ERBB4: variants seen among roughly 807,000 people sequenced by gnomAD.
ERBB4 encodes receptor tyrosine-protein kinase erbB-4.
ERBB4 carries 42 observed loss-of-function variants against 158.0 expected under a neutral mutation model. The observed-to-expected ratio is 0.27, with a 90% confidence interval of 0.21 to 0.34. ERBB4 has a LOEUF of 0.34. Ranked by LOEUF, ERBB4 falls within the 10% of genes least tolerant of loss-of-function variation. ERBB4 has a pLI of 1.00. For synonymous variants in ERBB4, 583 were observed against 558.7 expected (o/e 1.04, Z -0.61); for missense variants, 1,333 against 1,624.1 (o/e 0.82, Z 3.08).
chr2:212,427,185 G>T (rs1302179779), intron 1 of ERBB4, among the ~76,000 whole-genome samples: 1 of 152,124 alleles, frequency 6.6e-6, no homozygotes, highest in Non-Finnish European at 1.5e-5. Context: ...ACAAGTCAGA[G>T]CAGTAAATCA....
intron 2 of ERBB4, among the ~76,000 whole-genome samples, chr2:212,000,904 A>G (rs2076088074): frequency 6.6e-6 from 1 of 151,944 alleles, no homozygotes; most frequent in Non-Finnish European, 1.5e-5. Context: ...GAAAAAAAAT[A>G]AATTATATCC....
chr2:211,416,909 C>T (rs1559146239), intron 25 of ERBB4, among the ~76,000 whole-genome samples: 1 of 151,336 alleles, frequency 6.6e-6, no homozygotes, highest in East Asian at 2.0e-4. Flanking sequence ...GACTTTCTTG[C>T]TATAGCAGTC....
intron 3 of ERBB4, among the ~76,000 whole-genome samples, chr2:211,895,069 A>G (rs562670622): frequency 2.0e-5 from 3 of 152,306 alleles, no homozygotes; most frequent in African/African-American, 7.2e-5. Context: ...CATTAACCCT[A>G]GTTCCCTTTT....
chr2:212,328,354 C>A, intron 1 of ERBB4, among the ~76,000 whole-genome samples: 1 of 152,014 alleles, frequency 6.6e-6, no homozygotes, highest in East Asian at 1.9e-4. Flanking sequence ...GTTGCATCAT[C>A]TTTTATTACC....
chr2:211,918,805 A>T (rs2079775002), intron 3 of ERBB4, among the ~76,000 whole-genome samples: 1 of 152,150 alleles, frequency 6.6e-6, no homozygotes, highest in Non-Finnish European at 1.5e-5. Flanking sequence ...AATGGTGGAG[A>T]ATATTTTTGC....
intron 23 of ERBB4, among the ~76,000 whole-genome samples, chr2:211,423,829 T>C (rs1021805674): frequency 1.3e-5 from 2 of 151,770 alleles, no homozygotes; most frequent in Non-Finnish European, 2.9e-5. Flanking sequence ...TATTTTCCCA[T>C]AAAGGTCACT....
At chr2:211,512,125 T>C (rs1221941109) in intron 20 of ERBB4, among the ~76,000 whole-genome samples, 1 of 152,130 alleles carries the variant, frequency 6.6e-6, no homozygotes, top group African/African-American at 2.4e-5. Flanking sequence ...TGGGAAAAAC[T>C]GGCAACATTC....
intron 16 of ERBB4, among the ~76,000 whole-genome samples, chr2:211,636,846 A>G (rs1176979730): frequency 6.6e-6 from 1 of 152,032 alleles, no homozygotes; most frequent in Non-Finnish European, 1.5e-5. Context: ...ATTATTTCCC[A>G]TCAAAAATAA....
At chr2:212,197,728 G>A (rs1209688281) in intron 1 of ERBB4, among the ~76,000 whole-genome samples, 1 of 152,104 alleles carries the variant, frequency 6.6e-6, no homozygotes, top group Non-Finnish European at 1.5e-5. Context: ...GGAAATTTAT[G>A]TTTGCTGAAA....
chr2:211,961,649 T>C (rs1204131819), intron 2 of ERBB4, among the ~76,000 whole-genome samples: 2 of 152,182 alleles, frequency 1.3e-5, no homozygotes, highest in African/African-American at 2.4e-5. Flanking sequence ...ACCTATGGTT[T>C]CATCAAAGAG....
intron 1 of ERBB4, among the ~76,000 whole-genome samples, chr2:212,282,651 A>G (rs2085802143): frequency 6.6e-6 from 1 of 151,870 alleles, no homozygotes; most frequent in Non-Finnish European, 1.5e-5. Context: ...AGCTTGGCTA[A>G]CCTCCATAAT....
intron 1 of ERBB4, among the ~76,000 whole-genome samples, chr2:212,323,291 A>T (rs545284213): frequency 6.6e-6 from 1 of 150,754 alleles, no homozygotes; most frequent in African/African-American, 2.4e-5. Flanking sequence ...ATTAGCCATC[A>T]TCCTATCTAA....
At chr2:211,459,986 C>A (rs1332639936) in intron 20 of ERBB4, among the ~76,000 whole-genome samples, 1 of 151,940 alleles carries the variant, frequency 6.6e-6, no homozygotes, top group Non-Finnish European at 1.5e-5. Flanking sequence ...TTAATTAGGG[C>A]CATAGTGAGA....
At chr2:211,948,448 A>C (rs1173844148) in intron 2 of ERBB4, among the ~76,000 whole-genome samples, 2 of 151,024 alleles carry the variant, frequency 1.3e-5, no homozygotes, top group African/African-American at 4.9e-5. Flanking sequence ...AAAAAAAAAA[A>C]AAAAAAAAAA....
intron 3 of ERBB4, among the ~76,000 whole-genome samples, chr2:211,909,610 G>C (rs1196492208): frequency 6.6e-6 from 1 of 151,692 alleles, no homozygotes; most frequent in African/African-American, 2.4e-5. Flanking sequence ...GGTATAAAAG[G>C]TTACAAGTGG....
rs139650734 is a variant in ERBB4 at position 211,980,340 on chromosome 2, A to G, written c.235-32724T>C. ...GAAAGCCCTGACTTTCAGTGCATCAATATAAGCAGTTGAGTAGACCGAAGA... is the reference window on the plus strand; with the variant it reads ...GAAAGCCCTGACTTTCAGTGCATCAGTATAAGCAGTTGAGTAGACCGAAGA... On this transcript the variant is annotated intron_variant, in intron 2 of 27. Coordinates refer to ENST00000342788, the MANE Select transcript of ERBB4 (RefSeq NM_005235.3). Among the ~76,000 whole-genome samples, 650 of 152,324 alleles carry G rather than the reference A, an allele frequency of 4.3e-3. 1 individual carries two copies. The highest frequency in any genetic ancestry group is 7.2e-3 in the Non-Finnish European group (488 of 68,014).
At chr2:211,626,610 A>G (rs1574881395) in intron 17 of ERBB4, among the ~76,000 whole-genome samples, 1 of 152,158 alleles carries the variant, frequency 6.6e-6, no homozygotes, top group Admixed American at 6.5e-5. Context: ...AATTTTCTAT[A>G]AAAACAGAAC....
rs574720014 is a variant in ERBB4 at position 211,774,427 on chromosome 2, T to C, written c.556+13598A>G. Among the ~76,000 whole-genome samples the C allele has an allele frequency of 7.9e-5, 12 of 151,998 alleles. No individual in the cohort carries two copies. In the South Asian group the frequency reaches 2.5e-3, roughly 32 times the overall value. On this transcript the variant is annotated intron_variant, in intron 4 of 27. Transcript: ENST00000342788. ...GTAAGCTAGGGCCTGTAGGCTTGAGTTTTTATTTGCATTAATGAATTAAAG... is the reference window on the plus strand; with the variant it reads ...GTAAGCTAGGGCCTGTAGGCTTGAGCTTTTATTTGCATTAATGAATTAAAG...
chr2:211,634,733 A>G (rs2070292749), intron 16 of ERBB4, among the ~76,000 whole-genome samples: 1 of 152,088 alleles, frequency 6.6e-6, no homozygotes, highest in Non-Finnish European at 1.5e-5. Flanking sequence ...GCTGGAGTGC[A>G]GTGGTGTGAT....
Sources: gnomAD v4.1 joint callset for allele counts (sites outside exome capture counted in the v4.1 genomes callset) on GRCh38, gnomAD v4.1.1 for gene constraint, MANE v1.5 for transcripts, NCBI Gene and HGNC (gene_info 2026-07-23, HGNC 2026-07-21) for gene names.